Variants in PTPRD observed in about 807,000 individuals in gnomAD.
PTPRD encodes receptor-type tyrosine-protein phosphatase delta.
PTPRD carries 34 observed loss-of-function variants against 214.5 expected under a neutral mutation model. The observed-to-expected ratio is 0.16, with a 90% confidence interval of 0.12 to 0.21. The LOEUF is 0.21. Ranked by LOEUF, PTPRD falls within the 10% of genes least tolerant of loss-of-function variation. The probability of loss-of-function intolerance (pLI) is 1.00; values close to 1 mark genes in which losing one functional copy is unlikely to be tolerated. For missense variants in PTPRD, 2,545 were observed against 2,398.7 expected (o/e 1.06, Z -1.27); for synonymous variants, 1,128 against 845.7 (o/e 1.33, Z -5.79).
At chr9:8,627,191 C>T (rs1412051097) in intron 14 of PTPRD, among the ~76,000 whole-genome samples, 1 of 151,716 alleles carries the variant, frequency 6.6e-6, no homozygotes, top group Non-Finnish European at 1.5e-5. Context: ...GCTCATCTGT[C>T]GACATGTCAG....
intron 9 of PTPRD, 80 bp from the exon 10 acceptor site, chr9:9,183,443 C>T (rs760414758): frequency 5.9e-5 from 9 of 151,698 alleles, no homozygotes; most frequent in Non-Finnish European, 1.0e-4. Context: ...ATGCTGTCAC[C>T]CCATTTTTTA....
intron 5 of PTPRD, among the ~76,000 whole-genome samples, chr9:9,835,370 G>C (rs1337976600): frequency 1.3e-5 from 2 of 152,048 alleles, no homozygotes; most frequent in African/African-American, 4.8e-5. Context: ...TTACCTGAAA[G>C]GATGCCACTT....
At chr9:9,763,312 T>A (rs1234237911) in intron 6 of PTPRD, among the ~76,000 whole-genome samples, 2 of 152,176 alleles carry the variant, frequency 1.3e-5, no homozygotes, top group East Asian at 3.8e-4. Flanking sequence ...TTTCTAAGCA[T>A]TTTCCTGAAC....
intron 3 of PTPRD, among the ~76,000 whole-genome samples, chr9:10,206,143 A>T (rs1249732295): frequency 1.3e-5 from 2 of 152,070 alleles, no homozygotes; most frequent in Non-Finnish European, 2.9e-5. Flanking sequence ...TTGCAAGTAG[A>T]TAAGACCAGA....
chr9:9,177,118 A>C (rs1276009000), intron 10 of PTPRD, among the ~76,000 whole-genome samples: 2 of 152,152 alleles, frequency 1.3e-5, no homozygotes, highest in Non-Finnish European at 1.5e-5. Context: ...GGGAGGTCTC[A>C]GGAAACTTAC....
intron 11 of PTPRD, among the ~76,000 whole-genome samples, chr9:8,742,796 C>T (rs766054872): frequency 8.6e-5 from 13 of 152,040 alleles, no homozygotes; most frequent in Admixed American, 2.0e-4. Flanking sequence ...ACTAATTTAG[C>T]GCCTCGCAGG....
At chr9:10,304,941 G>C (rs1224717784) in intron 3 of PTPRD, among the ~76,000 whole-genome samples, 1 of 152,102 alleles carries the variant, frequency 6.6e-6, no homozygotes, top group Non-Finnish European at 1.5e-5. Context: ...AAAAGATCCT[G>C]CATTGCCGAG....
intron 8 of PTPRD, among the ~76,000 whole-genome samples, chr9:9,470,507 T>G (rs1339352311): frequency 6.6e-6 from 1 of 152,190 alleles, no homozygotes; most frequent in Non-Finnish European, 1.5e-5. Context: ...AAAAATAGAA[T>G]TTTAGTCAAC....
intron 2 of PTPRD, among the ~76,000 whole-genome samples, chr9:10,514,452 T>C (rs10116704): frequency 0.32 from 48,587 of 151,170 alleles, 8,011 homozygotes; most frequent in South Asian, 0.46. Flanking sequence ...TAGACATATA[T>C]AGTTATATAT....
chr9:9,320,601 T>C (rs1189492296), intron 9 of PTPRD, among the ~76,000 whole-genome samples: 1 of 152,154 alleles, frequency 6.6e-6, no homozygotes, highest in Non-Finnish European at 1.5e-5. Context: ...CCATCCTTCG[T>C]CTACTATCCT....
intron 11 of PTPRD, among the ~76,000 whole-genome samples, chr9:8,770,121 A>G (rs1292533309): frequency 1.3e-5 from 2 of 152,064 alleles, no homozygotes; most frequent in African/African-American, 2.4e-5. Context: ...TCTCTACCAA[A>G]AAACACAAAA....
intron 8 of PTPRD, among the ~76,000 whole-genome samples, chr9:9,438,657 T>C (rs773450356): frequency 4.6e-5 from 7 of 152,176 alleles, no homozygotes; most frequent in Non-Finnish European, 8.8e-5. Flanking sequence ...TTATTCACTA[T>C]GACTACTACT....
chr9:9,835,602 A>T (rs1353875563), intron 5 of PTPRD, among the ~76,000 whole-genome samples: 1 of 152,156 alleles, frequency 6.6e-6, no homozygotes, highest in Non-Finnish European at 1.5e-5. Flanking sequence ...TTCTTTTGAC[A>T]AATAGCTCTT....
At chr9:9,812,357 A>G (rs1029685261) in intron 5 of PTPRD, among the ~76,000 whole-genome samples, 5 of 152,148 alleles carry the variant, frequency 3.3e-5, no homozygotes, top group Non-Finnish European at 7.4e-5. Flanking sequence ...AGATGAAATT[A>G]TCCAATCAAG....
intron 3 of PTPRD, among the ~76,000 whole-genome samples, chr9:10,287,816 G>T (rs1596225602): frequency 6.6e-6 from 1 of 152,156 alleles, no homozygotes; most frequent in East Asian, 2.0e-4. Context: ...AGGCAGGAAA[G>T]AAATTATTGT....
At chr9:9,560,197 C>T (rs2082549864) in intron 8 of PTPRD, among the ~76,000 whole-genome samples, 1 of 152,184 alleles carries the variant, frequency 6.6e-6, no homozygotes, top group South Asian at 2.1e-4. Context: ...ACTTACTTAA[C>T]TCCCACAACT....
intron 11 of PTPRD, among the ~76,000 whole-genome samples, chr9:8,918,961 G>C (rs1027931723): frequency 6.6e-6 from 1 of 152,062 alleles, no homozygotes. Context: ...TACAAAGTTC[G>C]ACTGAAAAAG....
intron 7 of PTPRD, among the ~76,000 whole-genome samples, chr9:9,698,453 C>CA (rs2097424763): frequency 1.3e-5 from 2 of 152,108 alleles, no homozygotes; most frequent in South Asian, 4.1e-4. Flanking sequence ...GGGCAAATGC[C>CA]AACAGTATGA....
intron 3 of PTPRD, among the ~76,000 whole-genome samples, chr9:10,258,798 A>C (rs2475333): frequency 0.16 from 23,863 of 152,120 alleles, 1,975 homozygotes; most frequent in African/African-American, 0.2. Flanking sequence ...CAAGTGGTTA[A>C]AAATTCAGAG....
Sources: allele counts gnomAD v4.1 joint callset (sites outside exome capture counted in the v4.1 genomes callset), GRCh38; gene constraint gnomAD v4.1.1; transcripts MANE v1.5; gene names NCBI Gene and HGNC (gene_info 2026-07-23, HGNC 2026-07-21).